The following MED12L variants were observed in gnomAD, a reference collection of about 807,000 sequenced individuals.
The protein encoded by MED12L is mediator of RNA polymerase II transcription subunit 12-like protein.
Under a neutral mutation model 281.3 loss-of-function variants are expected in MED12L, and 60 were observed. The observed-to-expected ratio is 0.21, with a 90% CI of 0.17 to 0.26. MED12L has a LOEUF of 0.26. MED12L is among the 10% of genes least tolerant of loss of function. The pLI is 1.00. For missense variants in MED12L, 2,146 were observed against 2,680.9 expected (o/e 0.80, Z 4.41); for synonymous variants, 974 against 987.2 (o/e 0.99, Z 0.25).
intron 16 of MED12L, among the ~76,000 whole-genome samples, chr3:151,245,573 T>C (rs1018441331): frequency 2.7e-5 from 4 of 150,510 alleles, no homozygotes; most frequent in Admixed American, 1.3e-4. Flanking sequence ...TCAACAACCC[T>C]TCATGCTGAA....
chr3:151,165,585 T>C (rs1300757350), intron 10 of MED12L, 66 bp downstream of exon 10: 2 of 1,364,226 alleles, frequency 1.5e-6, no homozygotes, highest in Non-Finnish European at 2.1e-6. Context: ...TTTTGCTTCT[T>C]ATAAACCATT....
intron 4 of MED12L, among the ~76,000 whole-genome samples, chr3:151,123,219 GA>G (rs2148778020): frequency 6.6e-6 from 1 of 152,040 alleles, no homozygotes; most frequent in East Asian, 1.9e-4. Context: ...ATTTTAGGTA[GA>G]CAAGATTTTA....
At position 151,327,908 on chromosome 3, in the gene MED12L, T is replaced by A. The variant is rs1749842109; in HGVS notation, c.2251-22151T>A. ...AAATGTAAGAGAGCATTTGTTCCAA[T>A]CTTTTTTTCTTGGTTAAATTTGATT... On this transcript the variant is annotated intron_variant, in intron 16 of 44. Transcript: ENST00000687756. 5.0e-6 allele frequency: 5 copies of A among 991,822 alleles called. No individual in the cohort carries two copies. In the South Asian group the frequency reaches 5.4e-5, roughly 11 times the overall value. 61.4% of individuals were successfully genotyped at this position (991,822 alleles called of 1,614,324 possible).
chr3:151,288,832 CTTAATTGATAGCTCT>C (rs1743890360), intron 16 of MED12L, among the ~76,000 whole-genome samples: 2 of 149,612 alleles, frequency 1.3e-5, no homozygotes, highest in Non-Finnish European at 3.0e-5. Context: ...AGCTATCAAA[CTTAATTGATAGCTCT>C]CCAGTTCGCA....
intron 16 of MED12L, among the ~76,000 whole-genome samples, chr3:151,279,812 CT>C (rs1224459414): frequency 6.6e-6 from 1 of 152,222 alleles, no homozygotes; most frequent in African/African-American, 2.4e-5. Flanking sequence ...GGAACCGTAT[CT>C]CTAAGGTGCG....
intron 16 of MED12L, among the ~76,000 whole-genome samples, chr3:151,228,992 C>G (rs993327053): frequency 3.3e-5 from 5 of 152,172 alleles, no homozygotes; most frequent in African/African-American, 9.7e-5. Flanking sequence ...GCTGTTAGAC[C>G]ATTAGTGGTT....
At chr3:151,213,884 C>G (rs528781113) in intron 16 of MED12L, 2 of 1,614,002 alleles carry the variant, frequency 1.2e-6, no homozygotes, top group Non-Finnish European at 1.7e-6. Flanking sequence ...AGCATCCATA[C>G]TATCACTGAC....
At chr3:151,299,628 G>A (rs34708786) in intron 16 of MED12L, among the ~76,000 whole-genome samples, 40,632 of 150,906 alleles carry the variant, frequency 0.27, 5,772 homozygotes, top group Non-Finnish European at 0.31. Context: ...ACAGACGTGC[G>A]CCACCACACC....
chr3:151,231,277 A>T (rs1385368631), intron 16 of MED12L, among the ~76,000 whole-genome samples: 1 of 152,238 alleles, frequency 6.6e-6, no homozygotes, highest in East Asian at 1.9e-4. Flanking sequence ...GATTCAGGCA[A>T]TAAGCTTCAA....
chr3:151,280,478 C>T (rs887207760), intron 16 of MED12L, among the ~76,000 whole-genome samples: 2 of 152,184 alleles, frequency 1.3e-5, no homozygotes, highest in African/African-American at 4.8e-5. Context: ...TGGAGCTGGG[C>T]AGATCCTGGA....
intron 16 of MED12L, among the ~76,000 whole-genome samples, chr3:151,304,876 A>G (rs1034486298): frequency 1.3e-5 from 2 of 152,126 alleles, no homozygotes; most frequent in Non-Finnish European, 2.9e-5. Context: ...TATCATAGGT[A>G]CACAGTTGAA....
intron 16 of MED12L, chr3:151,338,650 T>C (rs758252816): frequency 6.2e-7 from 1 of 1,613,918 alleles, no homozygotes; most frequent in Admixed American, 1.7e-5. Context: ...GAAATGACTG[T>C]GTTCTTAAGA....
chr3:151,328,870 A>G, intron 16 of MED12L: 1 of 1,614,072 alleles, frequency 6.2e-7, no homozygotes, highest in South Asian at 1.1e-5. Flanking sequence ...GAGCCAAAGT[A>G]TTCAGCAGGA....
chr3:151,105,660 C>G (rs1438936975), intron 2 of MED12L, among the ~76,000 whole-genome samples: 2 of 152,184 alleles, frequency 1.3e-5, no homozygotes, highest in Admixed American at 1.3e-4. Flanking sequence ...CAGGGTCTGT[C>G]TTAGGTCCTG....
intron 16 of MED12L, among the ~76,000 whole-genome samples, chr3:151,287,048 GGGATTAAAT>G (rs1559984084): frequency 1.3e-5 from 2 of 152,084 alleles, no homozygotes; most frequent in Non-Finnish European, 2.9e-5. Flanking sequence ...GTTTGTTTTG[GGGATTAAAT>G]GGGTTAATAC....
At chr3:151,345,050 A>C (rs1169164358) in intron 16 of MED12L, among the ~76,000 whole-genome samples, 1 of 152,228 alleles carries the variant, frequency 6.6e-6, no homozygotes, top group East Asian at 1.9e-4. Flanking sequence ...CGTGTAGTAC[A>C]ACAAGCCTGC....
chr3:151,420,974 A>T (rs150252950), intron 43 of MED12L, among the ~76,000 whole-genome samples: 4 of 152,224 alleles, frequency 2.6e-5, no homozygotes, highest in African/African-American at 9.7e-5. Flanking sequence ...ACCTGCCACC[A>T]TGTAGCTGGC....
intron 13 of MED12L, among the ~76,000 whole-genome samples, chr3:151,189,069 T>C (rs1442793046): frequency 2.0e-5 from 3 of 152,202 alleles, no homozygotes; most frequent in African/African-American, 7.2e-5. Context: ...GAAATTATTC[T>C]GAGATTTTCA....
chr3:151,275,242 C>T lies in MED12L; in HGVS notation c.2251-74817C>T, dbSNP rs974437097. Among the ~76,000 whole-genome samples the T allele has an allele frequency of 3.1e-4, 47 of 152,246 alleles. 1 individual carries two copies. Among genetic ancestry groups the T allele is most frequent in the African/African-American group, 9.1e-4 (38 of 41,560 alleles). ...CCCAAGTGATCACACCACAAGTGTA[C>T]AGATCGCTTTGGGCCAACCTCAGAA... On this transcript the variant is annotated intron_variant, in intron 16 of 44. Transcript: ENST00000687756.
Sources: allele counts gnomAD v4.1 joint callset (sites outside exome capture counted in the v4.1 genomes callset), GRCh38; gene constraint gnomAD v4.1.1; transcripts MANE v1.5; gene names NCBI Gene and HGNC (gene_info 2026-07-23, HGNC 2026-07-21).